The following UNC5D variants were observed in gnomAD, a reference collection of about 807,000 sequenced individuals.
UNC5D encodes the protein netrin receptor UNC5D.
UNC5D carries 39 observed loss-of-function variants against 105.4 expected under a neutral mutation model. That is an observed-to-expected ratio of 0.37 (90% CI 0.29 to 0.48). The LOEUF is 0.48. Among genes scored for constraint, UNC5D ranks in the 20% least tolerant of loss-of-function variants. UNC5D has a pLI of 0.98. For missense variants in UNC5D, 991 were observed against 1,202.4 expected (o/e 0.82, Z 2.60); for synonymous variants, 452 against 450.4 (o/e 1.00, Z -0.04).
At chr8:35,637,435 G>T (rs1445899205) in intron 4 of UNC5D, among the ~76,000 whole-genome samples, 3 of 152,100 alleles carry the variant, frequency 2.0e-5, no homozygotes, top group Non-Finnish European at 4.4e-5. Flanking sequence ...AAGTACTTGT[G>T]GTGTAGCCCT....
chr8:35,680,391 A>G (rs1825578821), intron 4 of UNC5D, among the ~76,000 whole-genome samples: 2 of 152,206 alleles, frequency 1.3e-5, no homozygotes, highest in South Asian at 4.1e-4. Context: ...TATTTATTCA[A>G]TTGTTTAATT....
intron 4 of UNC5D, among the ~76,000 whole-genome samples, chr8:35,630,069 G>A (rs997113094): frequency 2.6e-5 from 4 of 152,024 alleles, no homozygotes; most frequent in Admixed American, 6.5e-5. Context: ...AAAAGACTTT[G>A]TTTGGCAAAT....
At chr8:35,576,931 C>T (rs1029214717) in intron 3 of UNC5D, among the ~76,000 whole-genome samples, 4 of 152,142 alleles carry the variant, frequency 2.6e-5, no homozygotes, top group Non-Finnish European at 5.9e-5. Flanking sequence ...AGTTTTAAAA[C>T]ATTTGACGTA....
At chr8:35,690,062 A>G (rs1037550167) in intron 7 of UNC5D, among the ~76,000 whole-genome samples, 1 of 152,212 alleles carries the variant, frequency 6.6e-6, no homozygotes, top group African/African-American at 2.4e-5. Context: ...TTTTCTTTCT[A>G]TTCAATCTAT....
chr8:35,748,566 A>C lies in UNC5D; in HGVS notation c.1806A>C (p.Glu602Asp), dbSNP rs1468083745. ...SDGSEVLLSPEVTCGPPDMIV... is the reference protein window; with the variant it reads ...SDGSEVLLSPDVTCGPPDMIV... ...GCTCTGAGGTGCTCCTGAGTCCTGAAGTCACCTGTGGTCCTCCAGACATGA... is the reference window on the plus strand; with the variant it reads ...GCTCTGAGGTGCTCCTGAGTCCTGACGTCACCTGTGGTCCTCCAGACATGA... Residue 602 changes from glutamate to aspartate, a missense_variant, in exon 12 of 17, where the codon GAA becomes GAC. By Grantham distance (45) the Glu-to-Asp change is conservative. Coordinates refer to ENST00000404895, the MANE Select transcript of UNC5D (RefSeq NM_080872.4). 5 of 1,613,966 alleles carry C rather than the reference A, an allele frequency of 3.1e-6. No individual in the cohort carries two copies. The highest frequency in any genetic ancestry group is 4.2e-6 in the Non-Finnish European group (5 of 1,179,958).
intron 1 of UNC5D, among the ~76,000 whole-genome samples, chr8:35,454,259 C>A (rs903151483): frequency 6.6e-6 from 1 of 152,070 alleles, no homozygotes; most frequent in Non-Finnish European, 1.5e-5. Context: ...GCATGACACA[C>A]AGGAACATAC....
In UNC5D at chr8:35,795,841, T is replaced by G. The variant is rs1457534047; in HGVS notation, c.*5278T>G. 2 of 152,184 alleles carry G rather than the reference T, an allele frequency of 1.3e-5. No homozygotes were observed. The highest frequency in any genetic ancestry group is 2.9e-5 in the Non-Finnish European group (2 of 68,032). The allele number at this position is 152,184 out of a possible 1,614,324, so 9.4% of individuals were successfully genotyped here. ...ATAAAGACTCAGAATTACCCATTCTTCATAATCATGTCTGATTGGTACATA... is the reference window on the plus strand; with the variant it reads ...ATAAAGACTCAGAATTACCCATTCTGCATAATCATGTCTGATTGGTACATA... On this transcript the variant is annotated 3_prime_UTR_variant, in exon 17 of 17. Coordinates refer to ENST00000404895, the MANE Select transcript of UNC5D (RefSeq NM_080872.4).
rs1052610020 is a variant in UNC5D, at chr8:35,283,216, T to A, written c.103+47329T>A. On this transcript the variant is annotated intron_variant, in intron 1 of 16. Coordinates refer to ENST00000404895, the MANE Select transcript of UNC5D (RefSeq NM_080872.4). ...AAATTTGCTCATGTAATCTTTTTTT[T>A]AATAGATCATTCTCTGTCAGAATAT... Among the ~76,000 whole-genome samples the A allele has an allele frequency of 2.0e-4, 31 of 152,176 alleles. 1 individual carries two copies. Among genetic ancestry groups the A allele is most frequent in the Admixed American group, 1.6e-3 (24 of 15,262 alleles).
intron 11 of UNC5D, among the ~76,000 whole-genome samples, chr8:35,733,296 G>C (rs1272351584): frequency 6.6e-6 from 1 of 152,188 alleles, no homozygotes; most frequent in Non-Finnish European, 1.5e-5. Context: ...TTAAGCTGGG[G>C]TGAATTGTTT....
intron 1 of UNC5D, among the ~76,000 whole-genome samples, chr8:35,513,339 C>G (rs907472317): frequency 1.3e-5 from 2 of 151,702 alleles, no homozygotes; most frequent in Non-Finnish European, 2.9e-5. Flanking sequence ...AGTGATTCTC[C>G]TGCCTCAGCA....
chr8:35,753,248 A>G (rs1433079300), intron 13 of UNC5D, among the ~76,000 whole-genome samples: 1 of 151,720 alleles, frequency 6.6e-6, no homozygotes, highest in Non-Finnish European at 1.5e-5. Context: ...ATCCAAATGT[A>G]TTTCATCATT....
At chr8:35,592,024 T>A (rs561775689) in intron 3 of UNC5D, among the ~76,000 whole-genome samples, 9 of 152,192 alleles carry the variant, frequency 5.9e-5, no homozygotes, top group Non-Finnish European at 1.0e-4. Flanking sequence ...ATATTAATAT[T>A]TTCTGTTAAA....
intron 14 of UNC5D, 99 bp from the exon 15 acceptor site, chr8:35,766,803 T>A: frequency 7.5e-7 from 1 of 1,326,728 alleles, no homozygotes; most frequent in Non-Finnish European, 9.9e-7. Context: ...GTTGTTGTTG[T>A]CGTCATCATC....
At chr8:35,558,788 G>T (rs1816729014) in intron 2 of UNC5D, among the ~76,000 whole-genome samples, 1 of 152,164 alleles carries the variant, frequency 6.6e-6, no homozygotes, top group Non-Finnish European at 1.5e-5. Context: ...TTTCAGACCA[G>T]CCTGGCCAAC....
At chr8:35,363,077 T>C (rs973879387) in intron 1 of UNC5D, among the ~76,000 whole-genome samples, 3 of 152,216 alleles carry the variant, frequency 2.0e-5, no homozygotes, top group African/African-American at 7.2e-5. Context: ...TCTGTTTTTA[T>C]ATTTAATGAC....
intron 1 of UNC5D, among the ~76,000 whole-genome samples, chr8:35,414,782 T>A (rs183461507): frequency 6.6e-6 from 1 of 152,288 alleles, no homozygotes; most frequent in African/African-American, 2.4e-5. Flanking sequence ...TCTTATTCAT[T>A]CCTAGCTTTC....
At chr8:35,575,892 G>A (rs1818054918) in intron 3 of UNC5D, among the ~76,000 whole-genome samples, 1 of 152,048 alleles carries the variant, frequency 6.6e-6, no homozygotes, top group South Asian at 2.1e-4. Flanking sequence ...AAAAAAAAAT[G>A]AGTGTTGAAA....
At chr8:35,637,159 A>G (rs1387897676) in intron 4 of UNC5D, among the ~76,000 whole-genome samples, 2 of 152,168 alleles carry the variant, frequency 1.3e-5, no homozygotes, top group Non-Finnish European at 2.9e-5. Context: ...ATTAGCACAC[A>G]TTGTTTCTGT....
intron 1 of UNC5D, among the ~76,000 whole-genome samples, chr8:35,258,152 C>G (rs1304702924): frequency 6.6e-6 from 1 of 152,088 alleles, no homozygotes; most frequent in Non-Finnish European, 1.5e-5. Context: ...CTTGCTGCAT[C>G]GTCACATGGA....
Sources: allele counts gnomAD v4.1 joint callset (sites outside exome capture counted in the v4.1 genomes callset), GRCh38; gene constraint gnomAD v4.1.1; transcripts MANE v1.5; gene names NCBI Gene and HGNC (gene_info 2026-07-23, HGNC 2026-07-21).